PLEKHG1: variants seen among roughly 807,000 people sequenced by gnomAD.
PLEKHG1 encodes the protein pleckstrin homology domain-containing family G member 1.
In PLEKHG1, 44 loss-of-function variants were observed where a neutral mutation model predicts 100.8. The observed-to-expected ratio is 0.44, with a 90% CI of 0.34 to 0.56. The LOEUF is 0.56. PLEKHG1 is among the 20% of genes least tolerant of loss of function. The pLI, the probability that PLEKHG1 is intolerant of heterozygous loss-of-function variation, is 0.01. For synonymous variants in PLEKHG1, 640 were observed against 662.5 expected, an observed-to-expected ratio of 0.97 and a Z score of 0.52; for missense variants, 1,545 against 1,720.9, an observed-to-expected ratio of 0.90 and a Z score of 1.81.
chr6:150,759,868 T>G (rs1403235987), intron 2 of PLEKHG1, among the ~76,000 whole-genome samples: 1 of 152,026 alleles, frequency 6.6e-6, no homozygotes, highest in Admixed American at 6.6e-5. Flanking sequence ...TGTGGTGGTG[T>G]GAGCCTATAA....
At chr6:150,678,086 A>G (rs566366363) in intron 3 of PLEKHG1, among the ~76,000 whole-genome samples, 1 of 140,426 alleles carries the variant, frequency 7.1e-6, no homozygotes, top group Non-Finnish European at 1.6e-5. Context: ...ATATATATAT[A>G]TATATATATA....
chr6:150,747,668 G>A (rs904250008), intron 2 of PLEKHG1, among the ~76,000 whole-genome samples: 1 of 152,140 alleles, frequency 6.6e-6, no homozygotes, highest in African/African-American at 2.4e-5. Context: ...GCCAAGGTGG[G>A]TGGATCCCCT....
At chr6:150,830,772 A>G (rs1462463369) in exon 15 of PLEKHG1, 5 of 1,614,114 alleles carry the variant, frequency 3.1e-6, no homozygotes, top group Non-Finnish European at 4.2e-6. Context: ...GAGAATGAGG[A>G]TGATGAAGAT....
At chr6:150,725,677 G>T (rs1382797305) in intron 1 of PLEKHG1, among the ~76,000 whole-genome samples, 1 of 151,510 alleles carries the variant, frequency 6.6e-6, no homozygotes, top group African/African-American at 2.4e-5. Context: ...TTTGCTTTTT[G>T]CTGTTGTTGC....
rs115516050 is a variant in PLEKHG1, at chr6:150,755,551, A to G, written c.412-13087A>G. On this transcript the variant is annotated intron_variant, in intron 2 of 15. Coordinates refer to ENST00000358517, the Ensembl canonical transcript of PLEKHG1. Reference sequence around the variant, plus strand: ...AGACGGCCACACAGCAGGCACCAACACCTGCACATGTGTGCTGAGCTGCCT... The same window carrying G: ...AGACGGCCACACAGCAGGCACCAACGCCTGCACATGTGTGCTGAGCTGCCT... Among the ~76,000 whole-genome samples, 1,117 of 152,244 alleles carry G rather than the reference A, an allele frequency of 7.3e-3. 12 individuals are homozygous for G. Among genetic ancestry groups the G allele is most frequent in the African/African-American group, 0.025 (1,059 of 41,550 alleles).
chr6:150,777,939 G>C (rs1229764572), intron 3 of PLEKHG1, among the ~76,000 whole-genome samples: 2 of 152,262 alleles, frequency 1.3e-5, no homozygotes, highest in Non-Finnish European at 2.9e-5. Flanking sequence ...AGTGTCTTCA[G>C]TGGCTGATGC....
At chr6:150,653,546 C>T (rs553979869) in intron 3 of PLEKHG1, among the ~76,000 whole-genome samples, 1 of 152,212 alleles carries the variant, frequency 6.6e-6, no homozygotes, top group South Asian at 2.1e-4. Context: ...AGTTCGAGAC[C>T]AGCCTGGGCA....
chr6:150,807,575 T>C (rs1316448888), intron 7 of PLEKHG1, among the ~76,000 whole-genome samples: 1 of 152,194 alleles, frequency 6.6e-6, no homozygotes, highest in East Asian at 1.9e-4. Flanking sequence ...CACATAAATG[T>C]CAAAGTCATG....
chr6:150,694,941 G>T (rs2128595411), intron 3 of PLEKHG1, among the ~76,000 whole-genome samples: 1 of 152,178 alleles, frequency 6.6e-6, no homozygotes, highest in Non-Finnish European at 1.5e-5. Context: ...TAAAACCTCT[G>T]CATAAACATT....
chr6:150,766,258 G>T (rs1013357739), intron 2 of PLEKHG1, among the ~76,000 whole-genome samples: 1 of 152,176 alleles, frequency 6.6e-6, no homozygotes, highest in Non-Finnish European at 1.5e-5. Context: ...ATCCTTCATA[G>T]TTGTTAACAG....
rs111313870 is a variant in PLEKHG1, at chr6:150,778,747, G to C, written c.513-7643G>C. ...GCAATTGCTTATTGAATAGCAAGCA[G>C]ACAAAGTGGATAGGAACAGCTTCAT... On this transcript the variant is annotated intron_variant, in intron 3 of 15. Transcript: ENST00000358517. 7.7e-4 allele frequency among the ~76,000 whole-genome samples: 118 copies of C among 152,316 alleles called. 1 individual carries two copies. Among genetic ancestry groups the C allele is most frequent in the African/African-American group, 2.5e-3 (103 of 41,568 alleles).
At chr6:150,636,162 C>T (rs1052034238) in intron 1 of PLEKHG1, among the ~76,000 whole-genome samples, 8 of 152,010 alleles carry the variant, frequency 5.3e-5, no homozygotes, top group Non-Finnish European at 1.0e-4. Flanking sequence ...CTATAGATAC[C>T]TCTTCAGGGT....
chr6:150,709,335 A>T (rs962745392), intron 3 of PLEKHG1, among the ~76,000 whole-genome samples: 1 of 152,180 alleles, frequency 6.6e-6, no homozygotes, highest in Non-Finnish European at 1.5e-5. Flanking sequence ...ACTCCATCTC[A>T]AAAAACAAAA....
At chr6:150,698,724 A>G (rs1309448057) in intron 3 of PLEKHG1, among the ~76,000 whole-genome samples, 3 of 152,170 alleles carry the variant, frequency 2.0e-5, no homozygotes, top group African/African-American at 4.8e-5. Context: ...GGTTGTTTGT[A>G]TGTCTGGGCA....
chr6:150,748,476 A>C (rs561328148), intron 2 of PLEKHG1, among the ~76,000 whole-genome samples: 84 of 152,292 alleles, frequency 5.5e-4, no homozygotes, highest in Non-Finnish European at 1.1e-3. Flanking sequence ...CTGACACTTA[A>C]TAGGCCATTC....
chr6:150,723,537 C>T (rs1781805030), intron 1 of PLEKHG1, among the ~76,000 whole-genome samples: 1 of 152,146 alleles, frequency 6.6e-6, no homozygotes, highest in Non-Finnish European at 1.5e-5. Flanking sequence ...AATCTAGTCT[C>T]TGATTCATAG....
intron 1 of PLEKHG1, among the ~76,000 whole-genome samples, chr6:150,731,255 T>C (rs1176817076): frequency 6.6e-6 from 1 of 152,186 alleles, no homozygotes; most frequent in Non-Finnish European, 1.5e-5. Flanking sequence ...ATTCATGTTT[T>C]ATAGGCCATA....
chr6:150,611,725 T>A (rs1388894751), intron 1 of PLEKHG1, among the ~76,000 whole-genome samples: 1 of 148,416 alleles, frequency 6.7e-6, no homozygotes, highest in Non-Finnish European at 1.5e-5. Flanking sequence ...GGCAGGAGAG[T>A]CGCTTCAACT....
chr6:150,641,030 A>T (rs939164538), intron 2 of PLEKHG1, among the ~76,000 whole-genome samples: 4 of 152,140 alleles, frequency 2.6e-5, no homozygotes, highest in Admixed American at 1.3e-4. Flanking sequence ...GCTCTAGCTT[A>T]TCTGTGCACT....
Sources: gnomAD v4.1 joint callset for allele counts (sites outside exome capture counted in the v4.1 genomes callset) on GRCh38, gnomAD v4.1.1 for gene constraint, MANE v1.5 for transcripts, NCBI Gene and HGNC (gene_info 2026-07-23, HGNC 2026-07-21) for gene names.